Variants in MMRN1 observed in about 807,000 individuals in gnomAD.
MMRN1 encodes multimerin 1, also known as multimerin-1.
Under a neutral mutation model 100.7 loss-of-function variants are expected in MMRN1, and 94 were observed. That is an observed-to-expected ratio of 0.93 (90% CI 0.79 to 1.11). The LOEUF (loss-of-function observed/expected upper bound fraction) is 1.11, where lower values mean the gene tolerates loss of function less well. Among genes scored for constraint, MMRN1 ranks in the 50% least tolerant of loss-of-function variants. MMRN1 has a pLI of 0.00. For missense variants in MMRN1, 1,606 were observed against 1,439.1 expected (o/e 1.12, Z -1.88); for synonymous variants, 575 against 505.0 (o/e 1.14, Z -1.86).
rs916202532 is a variant in MMRN1, at chr4:89,953,984, T to C, written c.*566T>C. The C allele has an allele frequency of 6.6e-6, 1 of 152,318 alleles. No individual in the cohort carries two copies. The highest frequency in any genetic ancestry group is 2.1e-4 in the South Asian group (1 of 4,830). The allele number at this position is 152,318 out of a possible 1,614,324, so 9.4% of individuals were successfully genotyped here. On this transcript the variant is annotated 3_prime_UTR_variant, in exon 8 of 8. Transcript: ENST00000264790. ...TGAAAATATGAAAAATGCTTAACTA[T>C]TGTTCTCTTCCTATAATTCTCTAAT... is the stretch of plus-strand genomic sequence containing the variant.
intron 1 of MMRN1, among the ~76,000 whole-genome samples, chr4:89,897,912 G>T (rs1466321985): frequency 6.6e-6 from 1 of 152,114 alleles, no homozygotes; most frequent in Non-Finnish European, 1.5e-5. Context: ...GGTATAACTT[G>T]CTGAACAGAA....
At chr4:89,906,362 T>TACCTTGGAA (rs1721564999) in intron 1 of MMRN1, among the ~76,000 whole-genome samples, 1 of 151,570 alleles carries the variant, frequency 6.6e-6, no homozygotes. Context: ...ACAAACCTTT[T>TACCTTGGAA]ACCTATTAAC....
chr4:89,879,883 A>G (rs747916072), intron 1 of MMRN1, among the ~76,000 whole-genome samples: 3 of 152,166 alleles, frequency 2.0e-5, no homozygotes, highest in Non-Finnish European at 4.4e-5. Flanking sequence ...TTATCATGTT[A>G]TTGTTTATGG....
chr4:89,921,159 C>CT (rs113785257), intron 3 of MMRN1, among the ~76,000 whole-genome samples: 15 of 151,442 alleles, frequency 9.9e-5, no homozygotes, highest in South Asian at 8.3e-4. Flanking sequence ...TGCACCAGCT[C>CT]TTTTTTTTTC....
intron 6 of MMRN1, among the ~76,000 whole-genome samples, chr4:89,937,166 A>G (rs1245653173): frequency 2.6e-5 from 4 of 152,124 alleles, no homozygotes; most frequent in Non-Finnish European, 5.9e-5. Context: ...GCATTTTACC[A>G]TATCTGATAT....
chr4:89,906,284 C>G (rs952708117), intron 1 of MMRN1, among the ~76,000 whole-genome samples: 2 of 151,516 alleles, frequency 1.3e-5, no homozygotes, highest in Non-Finnish European at 3.0e-5. Context: ...ATCCTTTCCC[C>G]TCTCTATTTT....
chr4:89,923,114 A>G, intron 3 of MMRN1, 54 bp from the exon 4 acceptor site: 3 of 1,412,368 alleles, frequency 2.1e-6, no homozygotes, highest in Non-Finnish European at 2.0e-6. Context: ...GACTGGAAAA[A>G]ATGAGGCTGT....
intron 1 of MMRN1, among the ~76,000 whole-genome samples, chr4:89,887,764 CTG>C (rs1330772916): frequency 2.6e-5 from 4 of 151,934 alleles, no homozygotes; most frequent in Non-Finnish European, 5.9e-5. Context: ...CTACTTATAA[CTG>C]TGTAATTCCA....
At chr4:89,922,651 A>G (rs1304634978) in intron 3 of MMRN1, among the ~76,000 whole-genome samples, 1 of 152,098 alleles carries the variant, frequency 6.6e-6, no homozygotes, top group Non-Finnish European at 1.5e-5. Context: ...TTTTTAGTCC[A>G]GTTTGAGACT....
chr4:89,893,840 A>G (rs1374304783), upstream of MMRN1, among the ~76,000 whole-genome samples: 1 of 152,162 alleles, frequency 6.6e-6, no homozygotes, highest in Non-Finnish European at 1.5e-5. Context: ...TAGTTTGTAT[A>G]TCTATTTAAA....
At chr4:89,901,264 A>G (rs981501900) in intron 1 of MMRN1, among the ~76,000 whole-genome samples, 4 of 152,090 alleles carry the variant, frequency 2.6e-5, no homozygotes, top group African/African-American at 9.6e-5. Flanking sequence ...GAGGGCTCAT[A>G]CATATGTTAA....
intron 5 of MMRN1, among the ~76,000 whole-genome samples, chr4:89,934,061 T>C (rs1163914185): frequency 1.3e-5 from 2 of 152,108 alleles, no homozygotes; most frequent in Non-Finnish European, 2.9e-5. Context: ...ACCACAATTA[T>C]GGCTTATGAT....
intron 1 of MMRN1, among the ~76,000 whole-genome samples, chr4:89,884,956 G>A (rs1362224596): frequency 4.0e-5 from 6 of 151,788 alleles, no homozygotes; most frequent in Non-Finnish European, 7.4e-5. Context: ...TTTTATATTG[G>A]GGAAAAAGCA....
At chr4:89,881,189 G>C (rs905232092) in intron 1 of MMRN1, among the ~76,000 whole-genome samples, 2 of 152,120 alleles carry the variant, frequency 1.3e-5, no homozygotes, top group African/African-American at 4.8e-5. Context: ...TTAACTGCCA[G>C]TGGAGGCAAC....
Position 89,934,960 on chromosome 4 carries a change from T to C in MMRN1, c.1280T>C (p.Ile427Thr). The change falls in exon 6 of 8, where the codon ATT becomes ACT. Residue 427 changes from isoleucine (I) to threonine (T), a missense_variant. By Grantham distance (89) the Ile-to-Thr change is moderately conservative. Transcript: ENST00000264790. Reference protein sequence around the residue: ...SEDLESTRQIIQKVNESVVSI... With the variant: ...SEDLESTRQITQKVNESVVSI... ...GACCTCGAAAGCACCAGGCAAATAA[T>C]TCAAAAAGTTAATGAATCTGTGGTT... The C allele has an allele frequency of 3.1e-6, 5 of 1,613,656 alleles. No individual in the cohort carries two copies. The highest frequency in any genetic ancestry group is 4.2e-6 in the Non-Finnish European group (5 of 1,179,748).
chr4:89,953,411 G>T lies in MMRN1; in HGVS notation c.3680G>T (p.Arg1227Leu), dbSNP rs147451161. ...VTTFSGYLLY[R>L]T ...ACATTTAGTGGCTATTTATTATATC[G>T]TACATAAGTTAGTATGAAAAACAGA... Residue 1227 changes from arginine to leucine, a missense_variant, in exon 8 of 8, where the codon CGT becomes CTT. Physicochemically the swap from Arg to Leu is moderately radical, Grantham distance 102. Transcript: ENST00000264790. 4,070 of 1,588,888 alleles carry T rather than the reference G, an allele frequency of 2.6e-3. 36 individuals are homozygous for T. Among genetic ancestry groups the T allele is most frequent in the Middle Eastern group, 0.018 (108 of 5,884 alleles).
intron 5 of MMRN1, 114 bp downstream of exon 5, chr4:89,928,082 C>A: frequency 3.9e-6 from 3 of 766,964 alleles, no homozygotes; most frequent in South Asian, 2.6e-5. Flanking sequence ...GTATGGAAAC[C>A]TAAGAAAGAT....
chr4:89,950,686 T>C (rs575318895), intron 6 of MMRN1, among the ~76,000 whole-genome samples: 1 of 152,224 alleles, frequency 6.6e-6, no homozygotes. Context: ...TATTTTTTTC[T>C]GATCTGTAAG....
chr4:89,919,009 T>C (rs879360656), intron 3 of MMRN1, among the ~76,000 whole-genome samples: 3 of 151,716 alleles, frequency 2.0e-5, no homozygotes, highest in Admixed American at 6.6e-5. Context: ...AATAATACTT[T>C]TAAATTTTAT....
Sources: allele counts gnomAD v4.1 joint callset (sites outside exome capture counted in the v4.1 genomes callset), GRCh38; gene constraint gnomAD v4.1.1; transcripts MANE v1.5; gene names NCBI Gene and HGNC (gene_info 2026-07-23, HGNC 2026-07-21).